IFT122: variants seen among roughly 807,000 people sequenced by gnomAD.
The protein encoded by IFT122 is intraflagellar transport 122.
A neutral mutation model predicts 161.6 loss-of-function variants in IFT122; 118 were observed. The ratio of observed to expected loss-of-function variants is 0.73; its 90% CI spans 0.63 to 0.85. The LOEUF (loss-of-function observed/expected upper bound fraction) is 0.85. Among genes scored for constraint, IFT122 ranks in the 40% least tolerant of loss-of-function variants. The pLI is 0.00. For synonymous variants in IFT122, 550 were observed against 602.4 expected, an observed-to-expected ratio of 0.91 and a Z score of 1.27; for missense variants, 1,381 against 1,579.6, an observed-to-expected ratio of 0.87 and a Z score of 2.13.
At chr3:129,515,743 C>T (rs1428619421) in intron 26 of IFT122, 144 bp downstream of exon 26, 7 of 757,450 alleles carry the variant, frequency 9.2e-6, no homozygotes, top group Non-Finnish European at 7.1e-6. Flanking sequence ...CTCTGACGCC[C>T]ACCTACCTGA....
chr3:129,462,029 C>T (rs995559168), intron 5 of IFT122, among the ~76,000 whole-genome samples: 1 of 152,202 alleles, frequency 6.6e-6, no homozygotes, highest in Non-Finnish European at 1.5e-5. Context: ...GGCCTAATCC[C>T]TCTCAGTGTT....
chr3:129,516,963 T>TAC (rs200395338), intron 26 of IFT122, among the ~76,000 whole-genome samples: 45 of 72,804 alleles, frequency 6.2e-4, no homozygotes, highest in African/African-American at 1.7e-3. Context: ...AGACTGCCCC[T>TAC]ACACACACAC....
intron 1 of IFT122, among the ~76,000 whole-genome samples, chr3:129,446,697 A>G (rs2074044111): frequency 1.3e-5 from 2 of 152,084 alleles, no homozygotes. Flanking sequence ...CACCCTGACC[A>G]CCTTGGGCAC....
intron 28 of IFT122, 47 bp downstream of exon 28, chr3:129,519,233 C>T: frequency 6.6e-7 from 1 of 1,520,474 alleles, no homozygotes. Flanking sequence ...GCCTCCATCC[C>T]TTCTCCTGTG....
At chr3:129,502,989 G>A (rs1559981948) in intron 20 of IFT122, 107 bp downstream of exon 20, 8 of 1,018,278 alleles carry the variant, frequency 7.9e-6, no homozygotes, top group African/African-American at 1.6e-5. Flanking sequence ...AGCTGCCCTC[G>A]TGATGGAAGG....
At chr3:129,489,480 A>G (rs1036690003) in intron 16 of IFT122, among the ~76,000 whole-genome samples, 11 of 152,322 alleles carry the variant, frequency 7.2e-5, no homozygotes, top group African/African-American at 1.9e-4. Flanking sequence ...TTGTGTAACA[A>G]TGATCTAGAT....
intron 15 of IFT122, 185 bp downstream of exon 15, chr3:129,483,867 T>C (rs2078960314): frequency 4.4e-6 from 3 of 677,798 alleles, no homozygotes; most frequent in Non-Finnish European, 5.3e-6. Flanking sequence ...CCTGTGTGAC[T>C]GGGGGCAAAC....
chr3:129,502,707 C>T lies in IFT122; in HGVS notation c.2376-4C>T. The T allele has an allele frequency of 6.2e-7, 1 of 1,605,874 alleles. No individual in the cohort carries two copies. Among genetic ancestry groups the T allele is most frequent in the Non-Finnish European group, 8.5e-7 (1 of 1,179,998 alleles). On this transcript the variant is annotated splice_polypyrimidine_tract_variant and splice_region_variant and intron_variant, in intron 19 of 29. Coordinates refer to ENST00000348417, the MANE Select transcript of IFT122 (RefSeq NM_052989.3). ...ACCCTCCTACCTGCCCCTTCCCTCT[C>T]CAGGTTGATCGACATCGCCCGCAAA...
intron 6 of IFT122, 38 bp downstream of exon 6, chr3:129,463,664 A>G (rs758928058): frequency 6.6e-7 from 1 of 1,504,876 alleles, no homozygotes; most frequent in Admixed American, 1.7e-5. Flanking sequence ...ATGTTCCTTC[A>G]TCTTCCACAC....
rs2076006116 is a variant in IFT122, at chr3:129,459,720, C to CCCTCCCTT, written c.272+1044_272+1045insCTCCCTTC. On this transcript the variant is annotated intron_variant, in intron 4 of 29. Coordinates refer to ENST00000348417, the MANE Select transcript of IFT122 (RefSeq NM_052989.3). ...TCCTTCCTTCCTTCCTTCCTTCCTT[C>CCCTCCCTT]CTTCCTTCCCTCCCTCCCTCCCTTC... Among the ~76,000 whole-genome samples the CCCTCCCTT allele has an allele frequency of 5.6e-5, 6 of 106,248 alleles. 1 individual carries two copies. Among genetic ancestry groups the CCCTCCCTT allele is most frequent in the African/African-American group, 2.8e-4 (6 of 21,222 alleles). 69.7% of individuals were successfully genotyped at this position (106,248 alleles called of 152,430 possible).
intron 15 of IFT122, among the ~76,000 whole-genome samples, chr3:129,486,652 T>C (rs1448777506): frequency 1.3e-5 from 2 of 151,694 alleles, no homozygotes; most frequent in Non-Finnish European, 2.9e-5. Context: ...AAGGTGGGGG[T>C]AGGAACAAGA....
chr3:129,492,994 TA>T (rs1263544086), intron 17 of IFT122, among the ~76,000 whole-genome samples: 1 of 151,948 alleles, frequency 6.6e-6, no homozygotes, highest in Non-Finnish European at 1.5e-5. Flanking sequence ...ATTTTTTGTA[TA>T]TTTTTTAGAG....
intron 11 of IFT122, 95 bp from the exon 12 acceptor site, chr3:129,477,921 C>A: frequency 2.0e-6 from 2 of 988,176 alleles, no homozygotes; most frequent in South Asian, 2.7e-5. Flanking sequence ...ACTTTAATTG[C>A]CAGTAGCGCT....
intron 12 of IFT122, among the ~76,000 whole-genome samples, chr3:129,479,478 C>T (rs756738317): frequency 9.9e-5 from 15 of 151,864 alleles, no homozygotes; most frequent in South Asian, 2.1e-4. Flanking sequence ...GAACTCCAAG[C>T]GGTTTAGGGT....
intron 3 of IFT122, chr3:129,457,797 G>A (rs147179501): frequency 0.042 from 6,117 of 147,376 alleles, 382 homozygotes; most frequent in African/African-American, 0.13. Flanking sequence ...GTGCAGTGGC[G>A]TGATCTCGGC....
intron 17 of IFT122, among the ~76,000 whole-genome samples, chr3:129,492,882 G>A (rs868651284): frequency 3.5e-5 from 5 of 144,600 alleles, no homozygotes; most frequent in African/African-American, 1.0e-4. Context: ...GCAGTGGCAC[G>A]ATCACAGCTT....
intron 14 of IFT122, among the ~76,000 whole-genome samples, chr3:129,482,832 T>G (rs2078836328): frequency 6.6e-6 from 1 of 152,210 alleles, no homozygotes; most frequent in South Asian, 2.1e-4. Flanking sequence ...GATACTACAG[T>G]GCCTAGCTCA....
chr3:129,480,606 G>A (rs2078527116), intron 13 of IFT122, among the ~76,000 whole-genome samples: 1 of 152,184 alleles, frequency 6.6e-6, no homozygotes, highest in African/African-American at 2.4e-5. Context: ...CAGGGCATGA[G>A]AGCAGTGGGT....
At chr3:129,505,444 A>G (rs1378671249) in intron 21 of IFT122, among the ~76,000 whole-genome samples, 2 of 152,206 alleles carry the variant, frequency 1.3e-5, no homozygotes, top group Non-Finnish European at 2.9e-5. Context: ...CTGCTTCAGC[A>G]TTTCCAGAGC....
Sources: allele counts gnomAD v4.1 joint callset (sites outside exome capture counted in the v4.1 genomes callset), GRCh38; gene constraint gnomAD v4.1.1; transcripts MANE v1.5; gene names NCBI Gene and HGNC (gene_info 2026-07-23, HGNC 2026-07-21).